The following DNAH11 variants were observed in gnomAD, a reference collection of about 807,000 sequenced individuals.
The protein encoded by DNAH11 is axonemal beta dynein heavy chain 11.
A neutral mutation model predicts 526.0 loss-of-function variants in DNAH11; 442 were observed. The ratio of observed to expected loss-of-function variants is 0.84; its 90% CI spans 0.78 to 0.91. The LOEUF is 0.91. Among genes scored for constraint, DNAH11 ranks in the 40% least tolerant of loss-of-function variants. DNAH11 has a pLI of 0.00. For synonymous variants in DNAH11, 2,461 were observed against 1,935.9 expected (o/e 1.27, Z -7.12); for missense variants, 6,989 against 5,448.7 (o/e 1.28, Z -8.90).
rs1447823514 is a variant in DNAH11, at chr7:21,861,946, C to T, written c.11296C>T (p.His3766Tyr). The change falls in exon 69 of 82, where the codon CAT (histidine) becomes TAT (tyrosine). Residue 3766 changes from histidine to tyrosine, a missense_variant. Transcript: ENST00000409508. ...CTCTATCCTGATGGAGAGCATCACC[C>T]ATGCTGTCTTCCTCTACACCAGCCA... is the stretch of plus-strand genomic sequence containing the variant. ...RISILMESIT[H>Y]AVFLYTSQAL... 3 of 1,613,652 alleles carry T rather than the reference C, an allele frequency of 1.9e-6. No individual in the cohort carries two copies. Among genetic ancestry groups the T allele is most frequent in the South Asian group, 1.1e-5 (1 of 91,028 alleles).
chr7:21,750,497 C>G lies in DNAH11; in HGVS notation c.8940+133C>G, dbSNP rs867641689. 1.2e-4 allele frequency: 149 copies of G among 1,199,454 alleles called. No homozygotes were observed. The African/African-American group carries it at 1.8e-3, about 15-fold the overall frequency. The allele number at this position is 1,199,454 out of a possible 1,614,324, so 74.3% of individuals were successfully genotyped here. The stretch of plus-strand genomic sequence containing the variant: ...GAAAGGACGTGTGCATTTTTACACG[C>G]CTGTATCTGGAGCGTACCTTCCTAA... On this transcript the variant is annotated intron_variant, in intron 54 of 81. Coordinates refer to ENST00000409508, the MANE Select transcript of DNAH11 (RefSeq NM_001277115.2).
chr7:21,687,066 G>T, intron 32 of DNAH11, 33 bp from the exon 33 acceptor site: 1 of 1,585,804 alleles, frequency 6.3e-7, no homozygotes, highest in South Asian at 1.2e-5. Flanking sequence ...TCTCATATTA[G>T]ACTGTGATGT....
intron 23 of DNAH11, chr7:21,618,188 A>G (rs75424246): frequency 0.036 from 5,566 of 155,120 alleles, 229 homozygotes; most frequent in African/African-American, 0.087. Context: ...TGGCAAACTC[A>G]TCTAGCTTTC....
intron 42 of DNAH11, 56 bp downstream of exon 42, chr7:21,711,916 A>G: frequency 6.5e-7 from 1 of 1,543,324 alleles, no homozygotes; most frequent in East Asian, 2.5e-5. Flanking sequence ...AACATTTACC[A>G]TTTTCATAAT....
intron 35 of DNAH11, among the ~76,000 whole-genome samples, chr7:21,692,282 C>G (rs1047951701): frequency 6.6e-6 from 1 of 152,090 alleles, no homozygotes; most frequent in Non-Finnish European, 1.5e-5. Flanking sequence ...AAAGCATAAC[C>G]ACAATCAAAG....
At chr7:21,590,826 G>T in intron 12 of DNAH11, 92 bp from the exon 13 acceptor site, 1 of 783,240 alleles carries the variant, frequency 1.3e-6, no homozygotes, top group Non-Finnish European at 1.8e-6. Context: ...GTAATACTTG[G>T]ATAACATCTT....
intron 28 of DNAH11, among the ~76,000 whole-genome samples, chr7:21,648,694 GTTAA>G (rs1205521512): frequency 3.3e-5 from 5 of 152,178 alleles, no homozygotes; most frequent in African/African-American, 7.2e-5. Context: ...ATACTGCAAA[GTTAA>G]TTAATATATG....
intron 66 of DNAH11, among the ~76,000 whole-genome samples, chr7:21,847,304 T>C (rs1050308579): frequency 6.6e-6 from 1 of 152,248 alleles, no homozygotes; most frequent in Non-Finnish European, 1.5e-5. Context: ...TCTCTACTTT[T>C]CTAATATATG....
At chr7:21,623,408 A>G (rs1391973300) in intron 25 of DNAH11, among the ~76,000 whole-genome samples, 17 of 152,286 alleles carry the variant, frequency 1.1e-4, no homozygotes, top group Middle Eastern at 3.4e-3. Flanking sequence ...TCAGTGTGGC[A>G]ATTCCTCAGG....
intron 42 of DNAH11, among the ~76,000 whole-genome samples, chr7:21,714,385 C>T (rs548529686): frequency 1.3e-5 from 2 of 152,056 alleles, no homozygotes; most frequent in Non-Finnish European, 2.9e-5. Context: ...CTCTAGAAGG[C>T]GTTTTTGTAT....
intron 8 of DNAH11, among the ~76,000 whole-genome samples, chr7:21,574,214 C>T (rs1435624122): frequency 6.6e-6 from 1 of 152,172 alleles, no homozygotes; most frequent in African/African-American, 2.4e-5. Context: ...AGTAATTTTG[C>T]TGTCTTTCTG....
At chr7:21,747,150 A>G (rs1009428904) in intron 51 of DNAH11, among the ~76,000 whole-genome samples, 8 of 152,220 alleles carry the variant, frequency 5.3e-5, no homozygotes, top group Admixed American at 5.2e-4. Context: ...TTAAAATGAA[A>G]TGAAAACCCT....
intron 67 of DNAH11, 106 bp downstream of exon 67, chr7:21,852,737 G>C (rs554067882): frequency 5.7e-6 from 7 of 1,234,262 alleles, no homozygotes; most frequent in East Asian, 2.5e-5. Flanking sequence ...GAGGACCAGC[G>C]TGTGGAATTC....
chr7:21,600,576 A>C (rs897402579), intron 15 of DNAH11, 100 bp from the exon 16 acceptor site: 27 of 1,252,946 alleles, frequency 2.2e-5, no homozygotes, highest in Non-Finnish European at 2.7e-5. Context: ...TTTTCTAACT[A>C]CTCTCCCTTT....
intron 25 of DNAH11, among the ~76,000 whole-genome samples, chr7:21,631,051 C>G (rs1645246868): frequency 6.6e-6 from 1 of 152,126 alleles, no homozygotes; most frequent in African/African-American, 2.4e-5. Flanking sequence ...ACTTACAGTT[C>G]CATGTGGCTA....
chr7:21,619,317 G>C, intron 24 of DNAH11, 95 bp downstream of exon 24: 2 of 1,428,296 alleles, frequency 1.4e-6, no homozygotes, highest in Non-Finnish European at 1.9e-6. Flanking sequence ...TGTCCTGGGA[G>C]CCTGGAGAGA....
intron 39 of DNAH11, among the ~76,000 whole-genome samples, chr7:21,707,049 C>T (rs936453383): frequency 2.2e-4 from 33 of 152,318 alleles, no homozygotes; most frequent in African/African-American, 7.9e-4. Flanking sequence ...CTATCCTGCT[C>T]ATTGAAAGAT....
chr7:21,572,003 A>G (rs1442015824), intron 8 of DNAH11, 30 bp downstream of exon 8: 3 of 1,457,992 alleles, frequency 2.1e-6, no homozygotes, highest in Non-Finnish European at 2.7e-6. Context: ...TTTTCATTGC[A>G]TGGGATCCTA....
intron 76 of DNAH11, among the ~76,000 whole-genome samples, chr7:21,890,634 T>G (rs1033267519): frequency 2.6e-5 from 4 of 152,222 alleles, no homozygotes; most frequent in African/African-American, 9.7e-5. Context: ...TATTCATATT[T>G]TGCCCATATT....
Sources: allele counts gnomAD v4.1 joint callset (sites outside exome capture counted in the v4.1 genomes callset), GRCh38; gene constraint gnomAD v4.1.1; transcripts MANE v1.5; gene names NCBI Gene and HGNC (gene_info 2026-07-23, HGNC 2026-07-21).